Variants in CCDC149 observed in about 807,000 individuals in gnomAD.
CCDC149 encodes the protein coiled-coil domain-containing protein 149.
A neutral mutation model predicts 59.9 loss-of-function variants in CCDC149; 45 were observed. The ratio of observed to expected loss-of-function variants is 0.75; its 90% CI spans 0.59 to 0.96. The LOEUF is 0.96. CCDC149 is among the 40% of genes least tolerant of loss of function. The pLI is 0.00. For synonymous variants in CCDC149, 245 were observed against 260.6 expected (o/e 0.94, Z 0.58); for missense variants, 584 against 664.7 (o/e 0.88, Z 1.33).
At chr4:24,866,237 T>C (rs182731721) in intron 3 of CCDC149, among the ~76,000 whole-genome samples, 1 of 152,260 alleles carries the variant, frequency 6.6e-6, no homozygotes, top group East Asian at 1.9e-4. Context: ...AGCCATCACT[T>C]TTTAGAAGCA....
intron 12 of CCDC149, among the ~76,000 whole-genome samples, chr4:24,819,614 C>T (rs1481217635): frequency 1.3e-5 from 2 of 152,246 alleles, no homozygotes; most frequent in East Asian, 1.9e-4. Context: ...AGCCACTGCA[C>T]CTGGCACAGG....
At chr4:24,879,202 A>G (rs1362937427) in intron 1 of CCDC149, among the ~76,000 whole-genome samples, 1 of 152,156 alleles carries the variant, frequency 6.6e-6, no homozygotes, top group Non-Finnish European at 1.5e-5. Context: ...AGTCTTTGGC[A>G]TCTATAAGGA....
chr4:24,810,906 A>T (rs1577371622), intron 12 of CCDC149, among the ~76,000 whole-genome samples: 2 of 152,228 alleles, frequency 1.3e-5, no homozygotes, highest in East Asian at 3.8e-4. Context: ...AAAATTAGTA[A>T]GACTCTTTTA....
At chr4:24,866,023 T>A (rs145879014) in intron 3 of CCDC149, among the ~76,000 whole-genome samples, 129 of 152,258 alleles carry the variant, frequency 8.5e-4, no homozygotes, top group Admixed American at 1.4e-3. Flanking sequence ...GCACTTGAGA[T>A]CTTTGAAGGA....
At chr4:24,980,073 C>A (rs1334872620) in exon 1 of CCDC149, 1 of 152,180 alleles carries the variant, frequency 6.6e-6, no homozygotes, top group Non-Finnish European at 1.5e-5. Flanking sequence ...TTTTACCTGA[C>A]GTTCACATCG....
At chr4:24,914,659 C>A (rs1233649217), upstream of CCDC149, among the ~76,000 whole-genome samples, 1 of 145,578 alleles carries the variant, frequency 6.9e-6, no homozygotes, top group Non-Finnish European at 1.5e-5. Context: ...TCCAGCTGAG[C>A]CTTGCTCAAC....
intron 1 of CCDC149, among the ~76,000 whole-genome samples, chr4:24,957,798 C>G (rs1723510411): frequency 6.6e-6 from 1 of 152,076 alleles, no homozygotes. Context: ...ACTATCTGGT[C>G]CTTTACAGAA....
chr4:24,927,258 G>C (rs143998078), intron 1 of CCDC149, among the ~76,000 whole-genome samples: 2 of 152,332 alleles, frequency 1.3e-5, no homozygotes, highest in African/African-American at 4.8e-5. Context: ...TTTATGGCCA[G>C]ACCCCTGTTC....
intron 1 of CCDC149, among the ~76,000 whole-genome samples, chr4:24,932,656 A>G (rs1722629275): frequency 1.3e-5 from 2 of 152,172 alleles, no homozygotes; most frequent in Admixed American, 1.3e-4. Flanking sequence ...GGTAAGCTGT[A>G]ATCCCCTCCC....
At chr4:24,857,347 CAAGA>C (rs1215756311) in intron 3 of CCDC149, among the ~76,000 whole-genome samples, 1 of 152,056 alleles carries the variant, frequency 6.6e-6, no homozygotes, top group Admixed American at 6.5e-5. Context: ...TTTAAGAAGA[CAAGA>C]AGATAAAACC....
intron 3 of CCDC149, among the ~76,000 whole-genome samples, chr4:24,868,737 G>A (rs1718847901): frequency 6.6e-6 from 1 of 152,006 alleles, no homozygotes; most frequent in South Asian, 2.1e-4. Flanking sequence ...ATCTGGGTCT[G>A]CCTTTTTTCA....
chr4:24,885,608 C>T (rs1368084714), intron 1 of CCDC149, among the ~76,000 whole-genome samples: 2 of 152,204 alleles, frequency 1.3e-5, no homozygotes, highest in African/African-American at 4.8e-5. Flanking sequence ...CCCAAACACA[C>T]TCCAAAGGGC....
intron 1 of CCDC149, among the ~76,000 whole-genome samples, chr4:24,892,119 AG>A (rs1429289905): frequency 6.6e-6 from 1 of 152,236 alleles, no homozygotes; most frequent in East Asian, 1.9e-4. Context: ...GATGAAATTC[AG>A]AGGCAGAGAG....
At chr4:24,934,930 G>T (rs1276335016) in intron 1 of CCDC149, among the ~76,000 whole-genome samples, 1 of 152,220 alleles carries the variant, frequency 6.6e-6, no homozygotes. Flanking sequence ...GTCATGATCA[G>T]ATCTTTATAT....
intron 3 of CCDC149, among the ~76,000 whole-genome samples, chr4:24,869,087 G>A (rs183584159): frequency 2.6e-5 from 4 of 152,316 alleles, no homozygotes; most frequent in African/African-American, 9.6e-5. Flanking sequence ...GTCCTCCTGC[G>A]ACTGTTTTAA....
At chr4:24,918,787 A>G (rs1722205001) in intron 1 of CCDC149, among the ~76,000 whole-genome samples, 1 of 152,204 alleles carries the variant, frequency 6.6e-6, no homozygotes, top group African/African-American at 2.4e-5. Flanking sequence ...TGCAGCTCAC[A>G]GCCATGGTGT....
intron 9 of CCDC149, chr4:24,827,263 AACTGTGTCTCT>A (rs1275227579): frequency 2.0e-5 from 3 of 152,310 alleles, no homozygotes; most frequent in Non-Finnish European, 1.5e-5. Flanking sequence ...GGAAGCAGGT[AACTGTGTCTCT>A]ACATGCCTGA....
chr4:24,958,476 G>T (rs992795941), intron 1 of CCDC149, among the ~76,000 whole-genome samples: 1 of 152,066 alleles, frequency 6.6e-6, no homozygotes, highest in Non-Finnish European at 1.5e-5. Flanking sequence ...AAAAGAGATG[G>T]GCACATAACA....
chr4:24,837,176 C>T lies in CCDC149; in HGVS notation c.662+52G>A. ...TGCAAATAACTCCCAGCCTGCAGGC[C>T]TGTGCAGAGCCAGCCTTCCTCCCAC... On this transcript the variant is annotated intron_variant, in intron 6 of 12. Coordinates refer to ENST00000635206, the MANE Select transcript of CCDC149 (RefSeq NM_001330643.2). This position sits in a 1 kb window ranked among gnomAD's most constrained non-coding sequence, Gnocchi z 4.3. 2 of 1,564,940 alleles carry T rather than the reference C, an allele frequency of 1.3e-6. No individual in the cohort carries two copies. Among genetic ancestry groups the T allele is most frequent in the Non-Finnish European group, 1.7e-6 (2 of 1,143,068 alleles).
Sources: gnomAD v4.1 joint callset for allele counts (sites outside exome capture counted in the v4.1 genomes callset) on GRCh38, gnomAD v4.1.1 for gene constraint, Gnocchi (gnomAD v3.1) non-coding constraint, MANE v1.5 for transcripts, NCBI Gene and HGNC (gene_info 2026-07-23, HGNC 2026-07-21) for gene names.